The following PTPN21 variants were observed in gnomAD, a reference collection of about 807,000 sequenced individuals.
PTPN21 encodes the protein protein tyrosine phosphatase non-receptor type 21.
In PTPN21, 77 loss-of-function variants were observed where a neutral mutation model predicts 131.8. The ratio of observed to expected loss-of-function variants is 0.58; its 90% confidence interval spans 0.49 to 0.71. PTPN21 has a LOEUF of 0.71. Ranked by LOEUF, PTPN21 falls within the 30% of genes least tolerant of loss-of-function variation. PTPN21 has a pLI of 0.00. For missense variants in PTPN21, 1,552 were observed against 1,527.1 expected, an observed-to-expected ratio of 1.02 and a Z score of -0.27; for synonymous variants, 715 against 621.3, an observed-to-expected ratio of 1.15 and a Z score of -2.24.
chr14:88,469,573 T>C lies in PTPN21; in HGVS notation c.3161A>G (p.Glu1054Gly). The part of the protein sequence containing the change: ...LKMKHLLTGQ[E>G]RTVWHLQYTD... ...GTATTGGAGGTGCCAGACGGTCCTC[T>C]CTTGCCCAGTAAGGAGGTGCTTCAT... Residue 1054 changes from glutamate to glycine, a missense_variant, in exon 17 of 19, where the codon GAG (glutamate) becomes GGG (glycine). By Grantham distance (98) the Glu-to-Gly change is moderately conservative. Coordinates refer to ENST00000556564, the MANE Select transcript of PTPN21 (RefSeq NM_007039.4). This position sits in a 1 kb window ranked among gnomAD's most constrained non-coding sequence, Gnocchi z 4.3. 6.2e-7 allele frequency: 1 copy of C among 1,614,156 alleles called. No homozygotes were observed. Among genetic ancestry groups the C allele is most frequent in the Non-Finnish European group, 8.5e-7 (1 of 1,180,024 alleles).
At chr14:88,528,765 G>A (rs1166607227) in intron 2 of PTPN21, among the ~76,000 whole-genome samples, 1 of 152,224 alleles carries the variant, frequency 6.6e-6, no homozygotes, top group Admixed American at 6.5e-5. Flanking sequence ...ATGTGGAACT[G>A]TAAGTCCATT....
chr14:88,499,431 G>A (rs546119465), intron 8 of PTPN21: 2 of 152,358 alleles, frequency 1.3e-5, no homozygotes, highest in South Asian at 4.1e-4. Flanking sequence ...GTGTGTTGTG[G>A]GGCGGGCAGT....
Position 88,472,370 on chromosome 14 carries a change from T to A in PTPN21, c.2745A>T (p.Thr915=). The change falls in exon 15 of 19, where the codon ACA becomes ACT. Residue 915 remains threonine, a synonymous_variant. Coordinates refer to ENST00000556564, the MANE Select transcript of PTPN21 (RefSeq NM_007039.4). ...KKRLVDGECS[T]ARLPENAERN... ...TTTCTGCATTTTCAGGGAGTCGTGC[T>A]GTTGAGCACTCCCCATCAACTAGCC... 6.2e-7 allele frequency: 1 copy of A among 1,613,804 alleles called. No individual in the cohort carries two copies. Among genetic ancestry groups the A allele is most frequent in the Non-Finnish European group, 8.5e-7 (1 of 1,179,658 alleles).
intron 3 of PTPN21, chr14:88,512,387 A>G (rs1223883567): frequency 6.6e-6 from 1 of 152,214 alleles, no homozygotes; most frequent in Non-Finnish European, 1.5e-5. Context: ...GAATCCAAAC[A>G]AGGTCTACAG....
At chr14:88,511,207 C>T (rs2078175339) in intron 3 of PTPN21, among the ~76,000 whole-genome samples, 1 of 152,088 alleles carries the variant, frequency 6.6e-6, no homozygotes, top group Non-Finnish European at 1.5e-5. Flanking sequence ...TGAGCTACCA[C>T]ACCCAGCCAT....
At chr14:88,546,473 G>A (rs2078782711) in intron 2 of PTPN21, among the ~76,000 whole-genome samples, 2 of 151,500 alleles carry the variant, frequency 1.3e-5, no homozygotes, top group African/African-American at 2.4e-5. Flanking sequence ...CTACTGGGGA[G>A]GCTAAGGCAG....
At chr14:88,501,102 C>T (rs2078001279) in intron 7 of PTPN21, 179 bp downstream of exon 7, 1 of 688,586 alleles carries the variant, frequency 1.5e-6, no homozygotes, top group Non-Finnish European at 2.5e-6. Context: ...AAAGTATGAA[C>T]CACAAAATGG....
In PTPN21 at chr14:88,469,220, G is replaced by A. The variant is rs1249241278; in HGVS notation, c.3236-144C>T. ...CAGTGAACCAAACCCAACCACAAAG[G>A]GACAGTGTGACCCTGAGCAAGTCAC... is the stretch of plus-strand genomic sequence containing the variant. On this transcript the variant is annotated intron_variant, in intron 17 of 18. Transcript: ENST00000556564. The surrounding 1 kb of genome is among the most constrained non-coding windows in gnomAD (Gnocchi z 4.3). 2.2e-6 allele frequency: 2 copies of A among 900,644 alleles called. No individual in the cohort carries two copies. The highest frequency in any genetic ancestry group is 5.6e-5 in the Admixed American group (2 of 35,536). 55.8% of individuals were successfully genotyped at this position (900,644 alleles called of 1,614,324 possible). A position where few individuals can be genotyped will look rare whatever the true frequency, so the allele number is the denominator to read the frequency against.
intron 4 of PTPN21, 134 bp downstream of exon 4, chr14:88,507,788 AT>A: frequency 4.2e-6 from 1 of 236,114 alleles, no homozygotes; most frequent in Non-Finnish European, 6.9e-6. Context: ...AGCCCCTTAG[AT>A]AACAGAATAT....
At chr14:88,548,489 C>A (rs1262961389) in intron 2 of PTPN21, among the ~76,000 whole-genome samples, 1 of 152,170 alleles carries the variant, frequency 6.6e-6, no homozygotes, top group African/African-American at 2.4e-5. Flanking sequence ...CCTGAGCAGC[C>A]TTCCCTTTGC....
At chr14:88,471,777 G>C (rs1566806348) in intron 15 of PTPN21, among the ~76,000 whole-genome samples, 1 of 152,104 alleles carries the variant, frequency 6.6e-6, no homozygotes, top group Non-Finnish European at 1.5e-5. Flanking sequence ...CAGAATTTAT[G>C]AGCTAAAAAG....
At chr14:88,473,530 A>G (rs2077501847) in intron 14 of PTPN21, 135 bp downstream of exon 14, 2 of 1,037,188 alleles carry the variant, frequency 1.9e-6, no homozygotes, top group African/African-American at 1.7e-5. Context: ...TTTGAGGCCC[A>G]TATTACAAAA....
intron 2 of PTPN21, among the ~76,000 whole-genome samples, chr14:88,517,652 G>GTATATATATATATATATACA: frequency 7.2e-6 from 1 of 139,236 alleles, no homozygotes; most frequent in African/African-American, 2.7e-5. Context: ...TCATATATAT[G>GTATATATATATATATATACA]TATATATACA....
At chr14:88,478,681 T>C (rs556250105) in intron 13 of PTPN21, among the ~76,000 whole-genome samples, 1 of 152,356 alleles carries the variant, frequency 6.6e-6, no homozygotes, top group Admixed American at 6.5e-5. Context: ...CCCTGTGAAT[T>C]TACCTTTTCA....
chr14:88,515,261 A>G (rs892781399), intron 3 of PTPN21: 1 of 152,218 alleles, frequency 6.6e-6, no homozygotes, highest in African/African-American at 2.4e-5. Context: ...AGGTGCTCCT[A>G]TACCTAATCG....
At chr14:88,497,892 G>C (rs768146991) in intron 8 of PTPN21, among the ~76,000 whole-genome samples, 14 of 151,860 alleles carry the variant, frequency 9.2e-5, no homozygotes, top group African/African-American at 3.4e-4. Context: ...CTGAGGTCAC[G>C]AGTTTCAGAC....
chr14:88,497,750 A>G (rs962812663), intron 8 of PTPN21, among the ~76,000 whole-genome samples: 1 of 149,638 alleles, frequency 6.7e-6, no homozygotes, highest in Non-Finnish European at 1.5e-5. Flanking sequence ...CTGCACTCCA[A>G]CCTGGGCGAC....
intron 13 of PTPN21, among the ~76,000 whole-genome samples, chr14:88,474,470 A>G (rs1482823981): frequency 6.6e-6 from 1 of 152,176 alleles, no homozygotes; most frequent in Non-Finnish European, 1.5e-5. Context: ...GGCGTGTGCC[A>G]CCATGCCCGG....
At chr14:88,518,674 G>A (rs371416229) in intron 2 of PTPN21, among the ~76,000 whole-genome samples, 3 of 150,234 alleles carry the variant, frequency 2.0e-5, no homozygotes, top group South Asian at 2.1e-4. Context: ...CAGTTGATCC[G>A]CCCACCTCGG....
Sources: allele counts gnomAD v4.1 joint callset (sites outside exome capture counted in the v4.1 genomes callset), GRCh38; gene constraint gnomAD v4.1.1; non-coding constraint Gnocchi (gnomAD v3.1); transcripts MANE v1.5; gene names NCBI Gene and HGNC (gene_info 2026-07-23, HGNC 2026-07-21).